Variants in TSHR observed in about 807,000 individuals in gnomAD.
The protein encoded by TSHR is thyroid stimulating hormone receptor.
A neutral mutation model predicts 64.1 loss-of-function variants in TSHR; 51 were observed. The ratio of observed to expected loss-of-function variants is 0.80; its 90% confidence interval spans 0.64 to 1.01. The LOEUF is 1.01. Ranked by LOEUF, TSHR falls within the 50% of genes least tolerant of loss-of-function variation. The pLI, the probability that TSHR is intolerant of heterozygous loss-of-function variation, is 0.00. For synonymous variants in TSHR, 361 were observed against 361.9 expected (o/e 1.00, Z 0.03); for missense variants, 877 against 942.8 (o/e 0.93, Z 0.91).
At chr14:80,965,886 G>C (rs1176469952) in intron 1 of TSHR, among the ~76,000 whole-genome samples, 2 of 152,136 alleles carry the variant, frequency 1.3e-5, no homozygotes. Flanking sequence ...ATGTGCTCTG[G>C]ATTTTTATAG....
rs1887972933 is a variant in TSHR, at chr14:80,978,092, C to G, written c.170+22242C>G. Among the ~76,000 whole-genome samples, 4 of 83,640 alleles carry G rather than the reference C, an allele frequency of 4.8e-5. No individual in the cohort carries two copies. The South Asian group carries it at 2.3e-3, about 49-fold the overall frequency. The allele number at this position is 83,640 out of a possible 152,430, so 54.9% of individuals were successfully genotyped here. A position where few individuals can be genotyped will look rare whatever the true frequency, so the allele number is the denominator to read the frequency against. The stretch of plus-strand genomic sequence containing the variant: ...TTGCCTCCTCCTCAACAACATCCCT[C>G]CAACACACACACACACACACACACA... On this transcript the variant is annotated intron_variant, in intron 1 of 9. Coordinates refer to ENST00000298171, the MANE Select transcript of TSHR (RefSeq NM_000369.5).
chr14:81,129,926 C>T (rs57548236), intron 8 of TSHR, among the ~76,000 whole-genome samples: 49,043 of 152,044 alleles, frequency 0.32, 8,137 homozygotes, highest in African/African-American at 0.38. Flanking sequence ...TATTTCCCAT[C>T]AGTGTATAAA....
intron 1 of TSHR, chr14:81,001,711 G>A (rs1478027845): frequency 5.6e-5 from 26 of 466,052 alleles, no homozygotes; most frequent in Admixed American, 1.8e-4. Context: ...GCAGTTTCAC[G>A]AGTGTTCTTA....
chr14:81,064,942 A>G (rs1442475238), intron 2 of TSHR, among the ~76,000 whole-genome samples: 1 of 152,190 alleles, frequency 6.6e-6, no homozygotes, highest in Non-Finnish European at 1.5e-5. Flanking sequence ...TTTTTACATC[A>G]TAACGAGGAA....
At chr14:81,057,591 T>C (rs1885912718) in intron 1 of TSHR, among the ~76,000 whole-genome samples, 2 of 152,374 alleles carry the variant, frequency 1.3e-5, no homozygotes, top group African/African-American at 4.8e-5. Flanking sequence ...ATACTTTCTA[T>C]ACTCACATAG....
chr14:81,127,010 A>T (rs1007157322), intron 8 of TSHR, among the ~76,000 whole-genome samples: 1 of 152,270 alleles, frequency 6.6e-6, no homozygotes, highest in African/African-American at 2.4e-5. Flanking sequence ...GGCAAAAGCC[A>T]TGTATACTAT....
intron 2 of TSHR, among the ~76,000 whole-genome samples, chr14:81,064,982 A>G (rs1244243916): frequency 6.6e-6 from 1 of 152,176 alleles, no homozygotes; most frequent in Non-Finnish European, 1.5e-5. Context: ...TCCTTAGTTC[A>G]GCTAAAAGCC....
intron 1 of TSHR, among the ~76,000 whole-genome samples, chr14:80,969,422 C>T (rs999700465): frequency 2.6e-5 from 4 of 152,144 alleles, no homozygotes; most frequent in Non-Finnish European, 5.9e-5. Flanking sequence ...AAGGCCAAAT[C>T]CAAAGTAATC....
At chr14:81,122,458 AC>A (rs964413008) in intron 8 of TSHR, among the ~76,000 whole-genome samples, 2 of 151,958 alleles carry the variant, frequency 1.3e-5, no homozygotes, top group African/African-American at 4.8e-5. Context: ...GAAAAAAAAA[AC>A]AAACAGTTAC....
chr14:81,104,082 T>C, intron 7 of TSHR: 1 of 985,426 alleles, frequency 1.0e-6, no homozygotes, highest in Non-Finnish European at 1.2e-6. Context: ...ATGGGGTAAG[T>C]ATTTGAACAG....
At chr14:81,056,715 C>T (rs1423625837) in intron 1 of TSHR, among the ~76,000 whole-genome samples, 1 of 152,112 alleles carries the variant, frequency 6.6e-6, no homozygotes, top group Non-Finnish European at 1.5e-5. Context: ...GGGTTCAGAT[C>T]ACACACAAAA....
At chr14:81,074,797 T>C (rs1225258454) in intron 3 of TSHR, among the ~76,000 whole-genome samples, 1 of 152,240 alleles carries the variant, frequency 6.6e-6, no homozygotes, top group Middle Eastern at 3.2e-3. Context: ...TAAGCTGCCC[T>C]TCAAAACTGA....
At chr14:80,994,125 T>C (rs1888880929) in intron 1 of TSHR, 1 of 152,136 alleles carries the variant, frequency 6.6e-6, no homozygotes, top group Non-Finnish European at 1.5e-5. Flanking sequence ...ACTTAATGAA[T>C]AGTAAATATA....
chr14:81,061,402 A>C (rs1886227951), intron 1 of TSHR, among the ~76,000 whole-genome samples: 1 of 152,146 alleles, frequency 6.6e-6, no homozygotes, highest in African/African-American at 2.4e-5. Context: ...CTAAATGTCC[A>C]TCAGTGACAG....
chr14:81,143,823 C>G lies in TSHR; in HGVS notation c.1765C>G (p.Leu589Val). The G allele has an allele frequency of 1.2e-6, 2 of 1,614,058 alleles. No individual in the cohort carries two copies. Among genetic ancestry groups the G allele is most frequent in the Non-Finnish European group, 8.5e-7 (1 of 1,180,026 alleles). Residue 589 changes from leucine to valine, a missense_variant, in exon 10 of 10, where the codon CTC becomes GTC. Leu to Val is a conservative substitution (Grantham distance 32, BLOSUM62 1). Transcript: ENST00000298171. ...GGCATATATTGTTTTTGTTCTGACG[C>G]TCAACATAGTTGCCTTCGTCATCGT... ...ALAYIVFVLTLNIVAFVIVCC... is the reference protein window; with the variant it reads ...ALAYIVFVLTVNIVAFVIVCC...
chr14:81,012,453 C>T (rs987435587), intron 1 of TSHR: 5 of 151,362 alleles, frequency 3.3e-5, no homozygotes, highest in Admixed American at 3.3e-4. Context: ...TGGGTATATA[C>T]CCAGTAATGG....
At position 81,042,443 on chromosome 14, in the gene TSHR, T is replaced by G. The variant is rs77804516; in HGVS notation, c.171-19705T>G. On this transcript the variant is annotated intron_variant, in intron 1 of 9. Coordinates refer to ENST00000298171, the MANE Select transcript of TSHR (RefSeq NM_000369.5). ...ATGTCACAAATATACACAATGGAAT[T>G]ATATTTAGCCATAAAAAATGAAGGA... Among the ~76,000 whole-genome samples the G allele has an allele frequency of 5.5e-3, 844 of 152,310 alleles. 2 individuals are homozygous for G. Among genetic ancestry groups the G allele is most frequent in the African/African-American group, 0.019 (774 of 41,582 alleles).
chr14:81,052,302 T>C (rs1324728084), intron 1 of TSHR: 1 of 152,204 alleles, frequency 6.6e-6, no homozygotes, highest in African/African-American at 2.4e-5. Context: ...TTGAAGAGAC[T>C]GTTCTTTCCT....
chr14:81,012,074 A>G (rs1013274251), intron 1 of TSHR: 4 of 151,598 alleles, frequency 2.6e-5, no homozygotes, highest in South Asian at 2.1e-4. Flanking sequence ...ATATCTCCCA[A>G]TGCTATCCCT....
Sources: gnomAD v4.1 joint callset for allele counts (sites outside exome capture counted in the v4.1 genomes callset) on GRCh38, gnomAD v4.1.1 for gene constraint, MANE v1.5 for transcripts, NCBI Gene and HGNC (gene_info 2026-07-23, HGNC 2026-07-21) for gene names.